Variants in TECPR2 observed in about 807,000 individuals in gnomAD.
The protein encoded by TECPR2 is tectonin beta-propeller repeat containing 2.
TECPR2 carries 65 observed loss-of-function variants against 138.1 expected under a neutral mutation model. That is an observed-to-expected ratio of 0.47 (90% confidence interval 0.39 to 0.58). The LOEUF is 0.58. Ranked by LOEUF, TECPR2 falls within the 20% of genes least tolerant of loss-of-function variation. The pLI is 0.00. For synonymous variants in TECPR2, 746 were observed against 749.8 expected (o/e 0.99, Z 0.08); for missense variants, 1,553 against 1,824.5 (o/e 0.85, Z 2.71).
rs985650252 is a variant in TECPR2, at chr14:102,435,098, G to A, written c.2281G>A (p.Gly761Arg). The change falls in exon 9 of 20, where the codon GGG (glycine) becomes AGG (arginine). Residue 761 changes from glycine to arginine, a missense_variant. Gly to Arg is a moderately radical substitution (Grantham distance 125). Coordinates refer to ENST00000359520, the MANE Select transcript of TECPR2 (RefSeq NM_014844.5). ...CGATGAGGAGGACATCTATGCCCACGGGCTTCCTTCTTCATCCTCAGAGAC... is the reference window on the plus strand; with the variant it reads ...CGATGAGGAGGACATCTATGCCCACAGGCTTCCTTCTTCATCCTCAGAGAC... Reference protein sequence around the residue: ...SSDEEDIYAHGLPSSSSETSV... With the variant: ...SSDEEDIYAHRLPSSSSETSV... 5 of 1,613,704 alleles carry A rather than the reference G, an allele frequency of 3.1e-6. No homozygotes were observed. Among genetic ancestry groups the A allele is most frequent in the African/African-American group, 2.7e-5 (2 of 74,912 alleles).
In TECPR2 at chr14:102,431,850, C is replaced by G. The variant is rs757311707; in HGVS notation, c.1139C>G (p.Ala380Gly). The change falls in exon 8 of 20, where the codon GCG becomes GGG. Residue 380 changes from alanine to glycine, a missense_variant. By Grantham distance (60) the Ala-to-Gly change is moderately conservative. Transcript: ENST00000359520. Reference sequence around the variant, plus strand: ...TCAGAGCGTGTCCACGTGCAGCAAGCGGAGAAGCTGCCAGGGGCCACAGTT... The same window carrying G: ...TCAGAGCGTGTCCACGTGCAGCAAGGGGAGAAGCTGCCAGGGGCCACAGTT... ...GCSERVHVQQ[A>G]EKLPGATVSE... 1 of 1,599,486 alleles carries G rather than the reference C, an allele frequency of 6.3e-7. No homozygotes were observed. The highest frequency in any genetic ancestry group is 8.6e-7 in the Non-Finnish European group (1 of 1,168,268).
Position 102,431,782 on chromosome 14 carries a change from C to T in TECPR2, c.1085-14C>T. On this transcript the variant is annotated splice_polypyrimidine_tract_variant and intron_variant, in intron 7 of 19. Coordinates refer to ENST00000359520, the MANE Select transcript of TECPR2 (RefSeq NM_014844.5). ...TTGGATCACCAGTGGTAAAACCAGACTCTTCTTTCTTAGTGAGAGATGGTC... is the reference window on the plus strand; with the variant it reads ...TTGGATCACCAGTGGTAAAACCAGATTCTTCTTTCTTAGTGAGAGATGGTC... The T allele has an allele frequency of 5.2e-6, 8 of 1,532,360 alleles. No individual in the cohort carries two copies. The highest frequency in any genetic ancestry group is 2.5e-5 in the South Asian group (2 of 80,346). 94.9% of individuals were successfully genotyped at this position (1,532,360 alleles called of 1,614,324 possible).
intron 16 of TECPR2, among the ~76,000 whole-genome samples, chr14:102,464,357 AAAT>A (rs1432362478): frequency 1.3e-5 from 2 of 152,218 alleles, no homozygotes; most frequent in Non-Finnish European, 2.9e-5. Context: ...AGTAAGAAAT[AAAT>A]AAAAATGAAG....
At chr14:102,393,398 A>T (rs375177809) in intron 2 of TECPR2, among the ~76,000 whole-genome samples, 1 of 152,154 alleles carries the variant, frequency 6.6e-6, no homozygotes, top group East Asian at 1.9e-4. Context: ...GGATGTTTTG[A>T]TTCTTACATC....
intron 17 of TECPR2, 140 bp downstream of exon 17, chr14:102,465,429 C>G (rs1890532806): frequency 7.0e-7 from 1 of 1,424,232 alleles, no homozygotes; most frequent in African/African-American, 1.4e-5. Context: ...GGTCTACACA[C>G]TCTCGTTCAT....
intron 1 of TECPR2, among the ~76,000 whole-genome samples, chr14:102,370,439 G>A (rs1459942895): frequency 1.3e-5 from 2 of 152,136 alleles, no homozygotes; most frequent in Non-Finnish European, 2.9e-5. Flanking sequence ...CAGTACTTCC[G>A]CTTGCTTGCT....
chr14:102,406,287 A>G (rs376257879), intron 2 of TECPR2, among the ~76,000 whole-genome samples: 1 of 152,178 alleles, frequency 6.6e-6, no homozygotes, highest in Admixed American at 6.5e-5. Flanking sequence ...GGTGGCCCAC[A>G]CCTGTAATCC....
Position 102,489,963 on chromosome 14 carries a change from C to T in TECPR2, c.3790-7016C>T, listed in dbSNP as rs766382227. On this transcript the variant is annotated intron_variant, in intron 17 of 19. Coordinates refer to ENST00000359520, the MANE Select transcript of TECPR2 (RefSeq NM_014844.5). ...ATCTACACTAACTTTAGTGGAGGCA[C>T]TTACATCAGTGCCTCCACTAAAAAT... is the stretch of plus-strand genomic sequence containing the variant. Among the ~76,000 whole-genome samples the T allele has an allele frequency of 4.6e-5, 7 of 152,002 alleles. No individual in the cohort carries two copies. In the East Asian group the frequency reaches 9.7e-4, roughly 21 times the overall value.
rs747191401 is a variant in TECPR2, at chr14:102,419,464, G to T, written c.638+4671G>T. On this transcript the variant is annotated intron_variant, in intron 5 of 19. Transcript: ENST00000359520. The surrounding 1 kb of genome is among the most constrained non-coding windows in gnomAD (Gnocchi z 4.8). ...GGCAGCACATTGGTGTGTGACGCGGGTGCCTGTGGAGGGAACACAGTGCTG... is the reference window on the plus strand; with the variant it reads ...GGCAGCACATTGGTGTGTGACGCGGTTGCCTGTGGAGGGAACACAGTGCTG... Among the ~76,000 whole-genome samples the T allele has an allele frequency of 6.6e-6, 1 of 152,156 alleles. No individual in the cohort carries two copies. Among genetic ancestry groups the T allele is most frequent in the Non-Finnish European group, 1.5e-5 (1 of 68,022 alleles).
intron 4 of TECPR2, among the ~76,000 whole-genome samples, chr14:102,409,776 A>G (rs1466925690): frequency 6.6e-6 from 1 of 152,156 alleles, no homozygotes; most frequent in African/African-American, 2.4e-5. Context: ...CAAGTACACC[A>G]TGTTAGAAGT....
At chr14:102,374,815 G>A (rs1019787173) in intron 1 of TECPR2, among the ~76,000 whole-genome samples, 24 of 152,172 alleles carry the variant, frequency 1.6e-4, no homozygotes, top group Non-Finnish European at 3.2e-4. Flanking sequence ...ACAGGCATAA[G>A]CCACTGTTCC....
intron 17 of TECPR2, among the ~76,000 whole-genome samples, chr14:102,466,590 GGACTCCTTT>G (rs569593662): frequency 1.3e-5 from 2 of 152,122 alleles, no homozygotes; most frequent in Non-Finnish European, 2.9e-5. Context: ...GCACCCAGGT[GGACTCCTTT>G]GACACACCAC....
At chr14:102,451,717 A>G (rs1890147885) in intron 15 of TECPR2, among the ~76,000 whole-genome samples, 1 of 152,200 alleles carries the variant, frequency 6.6e-6, no homozygotes, top group African/African-American at 2.4e-5. Flanking sequence ...CACAAGTTGT[A>G]GATAATACTT....
At chr14:102,421,062 T>C (rs1294318901) in intron 5 of TECPR2, among the ~76,000 whole-genome samples, 1 of 152,216 alleles carries the variant, frequency 6.6e-6, no homozygotes, top group Non-Finnish European at 1.5e-5. Context: ...TTACAGAATG[T>C]AGGAATCACT....
At chr14:102,422,666 A>C (rs1461900919) in intron 5 of TECPR2, among the ~76,000 whole-genome samples, 2 of 152,232 alleles carry the variant, frequency 1.3e-5, no homozygotes, top group African/African-American at 4.8e-5. Context: ...CCAACAAAAA[A>C]GTGAGGAAAT....
At position 102,394,902 on chromosome 14, in the gene TECPR2, A is replaced by G. The variant is rs184938232; in HGVS notation, c.220-12436A>G. Among the ~76,000 whole-genome samples the G allele has an allele frequency of 9.2e-5, 14 of 152,028 alleles. No homozygotes were observed. The East Asian group carries it at 2.7e-3, about 29-fold the overall frequency. ...CTGGGCCCTTACTTACCTTAGCCTG[A>G]GCTATTGTGAAACACTCCCAGCGGC... On this transcript the variant is annotated intron_variant, in intron 2 of 19. Coordinates refer to ENST00000359520, the MANE Select transcript of TECPR2 (RefSeq NM_014844.5).
At chr14:102,372,662 G>A (rs1163792894) in intron 1 of TECPR2, among the ~76,000 whole-genome samples, 2 of 152,148 alleles carry the variant, frequency 1.3e-5, no homozygotes, top group Non-Finnish European at 2.9e-5. Flanking sequence ...GCTCAAGCCT[G>A]TAATCCTAGC....
chr14:102,499,852 A>G lies in TECPR2; in HGVS notation c.*1595A>G, dbSNP rs1891396633. 6.5e-6 allele frequency: 1 copy of G among 153,476 alleles called. No homozygotes were observed. Among genetic ancestry groups the G allele is most frequent in the Admixed American group, 6.5e-5 (1 of 15,408 alleles). The allele number at this position is 153,476 out of a possible 1,614,324, so 9.5% of individuals were successfully genotyped here. A position where few individuals can be genotyped will look rare whatever the true frequency, so the allele number is the denominator to read the frequency against. On this transcript the variant is annotated 3_prime_UTR_variant, in exon 20 of 20. Transcript: ENST00000359520. The stretch of plus-strand genomic sequence containing the variant: ...TCTCTGACAGGACCCAGCCAGCCAC[A>G]TAGGTGGAGGTTTTCCATGTCCAAA...
rs1891373385 is a variant in TECPR2, at chr14:102,499,017, A to G, written c.*760A>G. The G allele has an allele frequency of 1.4e-6, 1 of 697,340 alleles. No individual in the cohort carries two copies. The allele number at this position is 697,340 out of a possible 1,614,324, so 43.2% of individuals were successfully genotyped here. ...ACTGCACCGCACCGCACCGCACCGT[A>G]CCTCGCCACATCTCACCACACCACA... On this transcript the variant is annotated 3_prime_UTR_variant, in exon 20 of 20. Transcript: ENST00000359520.
Sources: allele counts gnomAD v4.1 joint callset (sites outside exome capture counted in the v4.1 genomes callset), GRCh38; gene constraint gnomAD v4.1.1; non-coding constraint Gnocchi (gnomAD v3.1); transcripts MANE v1.5; gene names NCBI Gene and HGNC (gene_info 2026-07-23, HGNC 2026-07-21).